RNF170: variants seen among roughly 807,000 people sequenced by gnomAD.
The protein encoded by RNF170 is E3 ubiquitin-protein ligase RNF170.
Under a neutral mutation model 32.7 loss-of-function variants are expected in RNF170, and 12 were observed. That is an observed-to-expected ratio of 0.37 (90% confidence interval 0.24 to 0.60). The LOEUF (loss-of-function observed/expected upper bound fraction) is 0.60. RNF170 is among the 20% of genes least tolerant of loss of function. The pLI, the probability that RNF170 is intolerant of heterozygous loss-of-function variation, is 0.72. For synonymous variants in RNF170, 91 were observed against 103.6 expected (o/e 0.88, Z 0.74); for missense variants, 212 against 311.2 (o/e 0.68, Z 2.40).
At chr8:42,852,795 A>G (rs1043336301), downstream of RNF170, among the ~76,000 whole-genome samples, 5 of 152,100 alleles carry the variant, frequency 3.3e-5, no homozygotes, top group Admixed American at 6.5e-5. Flanking sequence ...TCCGTGACTA[A>G]ATTTTCACTG....
chr8:42,860,011 G>A (rs1294434097), intron 6 of RNF170, among the ~76,000 whole-genome samples: 2 of 152,078 alleles, frequency 1.3e-5, no homozygotes, highest in Admixed American at 1.3e-4. Context: ...AGAAAAGGTA[G>A]GATTACTTAT....
intron 2 of RNF170, among the ~76,000 whole-genome samples, chr8:42,882,588 A>G (rs1563269634): frequency 6.6e-6 from 1 of 152,232 alleles, no homozygotes; most frequent in Non-Finnish European, 1.5e-5. Flanking sequence ...AACTTTGAAA[A>G]TATTATGCTA....
At chr8:42,872,021 G>C (rs1804558588) in intron 3 of RNF170, among the ~76,000 whole-genome samples, 1 of 152,348 alleles carries the variant, frequency 6.6e-6, no homozygotes, top group South Asian at 2.1e-4. Context: ...GTGACTAAAA[G>C]ACTTAATTTC....
chr8:42,864,400 CTGTA>C (rs1803931903), intron 5 of RNF170, among the ~76,000 whole-genome samples: 3 of 152,102 alleles, frequency 2.0e-5, no homozygotes, highest in Admixed American at 1.3e-4. Flanking sequence ...TGCGCCCACC[CTGTA>C]TTTTTATTTT....
At chr8:42,863,453 A>T (rs1264315502) in intron 5 of RNF170, among the ~76,000 whole-genome samples, 6 of 151,440 alleles carry the variant, frequency 4.0e-5, no homozygotes, top group African/African-American at 7.3e-5. Context: ...TAAAAAAAAA[A>T]TTTTTTTTTG....
chr8:42,855,284 C>A lies in RNF170; in HGVS notation c.*875G>T. ...TCACTCTGTTGCCCAGGCTGGAGTGCAGTGGCGCAATCCACCTCCTGGGTT... is the reference window on the plus strand; with the variant it reads ...TCACTCTGTTGCCCAGGCTGGAGTGAAGTGGCGCAATCCACCTCCTGGGTT... On this transcript the variant is annotated 3_prime_UTR_variant, in exon 7 of 7. Transcript: ENST00000527424. 8.5e-7 allele frequency: 1 copy of A among 1,170,038 alleles called. No individual in the cohort carries two copies. Among genetic ancestry groups the A allele is most frequent in the Non-Finnish European group, 1.1e-6 (1 of 891,506 alleles). 72.5% of individuals were successfully genotyped at this position (1,170,038 alleles called of 1,614,324 possible).
Position 42,853,907 on chromosome 8 carries a change from A to G in RNF170, c.*2252T>C. 1 of 1,287,110 alleles carries G rather than the reference A, an allele frequency of 7.8e-7. No individual in the cohort carries two copies. The highest frequency in any genetic ancestry group is 1.2e-5 in the South Asian group (1 of 80,934). 79.7% of individuals were successfully genotyped at this position (1,287,110 alleles called of 1,614,324 possible). On this transcript the variant is annotated 3_prime_UTR_variant, in exon 7 of 7. Transcript: ENST00000527424. The stretch of plus-strand genomic sequence containing the variant: ...AGGAAAGTCTTAGTAGTAACTCCAA[A>G]TATTATAATTATTGTAACCAGAATT...
chr8:42,896,329 C>A (rs1806860687), intron 1 of RNF170, 155 bp downstream of exon 1: 2 of 390,012 alleles, frequency 5.1e-6, no homozygotes, highest in African/African-American at 2.2e-5. Flanking sequence ...TCTGGGGCTT[C>A]CAGACGAGGG....
intron 5 of RNF170, among the ~76,000 whole-genome samples, chr8:42,863,009 G>C (rs1049842763): frequency 3.3e-5 from 5 of 152,156 alleles, no homozygotes; most frequent in Non-Finnish European, 7.4e-5. Flanking sequence ...GCCAAACCTG[G>C]AAATGGTGGT....
At position 42,896,468 on chromosome 8, in the gene RNF170, C is replaced by T. The variant is rs964736735; in HGVS notation, c.-8+16G>A. On this transcript the variant is annotated intron_variant, in intron 1 of 6. Coordinates refer to ENST00000527424, the MANE Select transcript of RNF170 (RefSeq NM_030954.4). ...GCCCCGATAGGGTGGGCGTGGCCGC[C>T]GCGCGCCGGACGTACCTCTCCACCG... 2.2e-6 allele frequency: 1 copy of T among 453,794 alleles called. No homozygotes were observed. The highest frequency in any genetic ancestry group is 4.4e-6 in the Non-Finnish European group (1 of 226,628). 28.1% of individuals were successfully genotyped at this position (453,794 alleles called of 1,614,324 possible). A position where few individuals can be genotyped will look rare whatever the true frequency, so the allele number is the denominator to read the frequency against.
chr8:42,894,940 GTT>G (rs76011717), intron 1 of RNF170, among the ~76,000 whole-genome samples: 4 of 145,710 alleles, frequency 2.7e-5, no homozygotes, highest in South Asian at 2.2e-4. Flanking sequence ...CTTCAGGTAA[GTT>G]TTTTTTTTTT....
At chr8:42,885,794 T>C (rs1335280618) in intron 2 of RNF170, among the ~76,000 whole-genome samples, 1 of 152,226 alleles carries the variant, frequency 6.6e-6, no homozygotes, top group Non-Finnish European at 1.5e-5. Flanking sequence ...GGTCTTATTC[T>C]GTTGCCCTGG....
Position 42,855,377 on chromosome 8 carries a change from AATTT to A in RNF170, c.*778_*781del, listed in dbSNP as rs1364086771. On this transcript the variant is annotated 3_prime_UTR_variant, in exon 7 of 7. Coordinates refer to ENST00000527424, the MANE Select transcript of RNF170 (RefSeq NM_030954.4). ...CAGGCGCCTGCCACCACGCCTGGCT[AATTT>A]TTTGTATTTTTAGTAGAGACGGGGT... is the stretch of plus-strand genomic sequence containing the variant. The A allele has an allele frequency of 1.5e-6, 1 of 664,846 alleles. No homozygotes were observed. The highest frequency in any genetic ancestry group is 3.2e-5 in the Admixed American group (1 of 31,342). The allele number at this position is 664,846 out of a possible 1,614,324, so 41.2% of individuals were successfully genotyped here. A position where few individuals can be genotyped will look rare whatever the true frequency, so the allele number is the denominator to read the frequency against.
At chr8:42,891,380 G>A (rs543591849) in intron 1 of RNF170, among the ~76,000 whole-genome samples, 11 of 151,888 alleles carry the variant, frequency 7.2e-5, no homozygotes, top group Admixed American at 2.0e-4. Flanking sequence ...TTTTTTAAAA[G>A]AGACCAGATC....
chr8:42,864,045 CTTT>C (rs747091463), intron 5 of RNF170, among the ~76,000 whole-genome samples: 1 of 128,138 alleles, frequency 7.8e-6, no homozygotes, highest in Non-Finnish European at 1.7e-5. Context: ...TGGAGGAATA[CTTT>C]TTTTTTTTTT....
At chr8:42,864,712 T>TA (rs914160228) in intron 5 of RNF170, among the ~76,000 whole-genome samples, 47 of 145,990 alleles carry the variant, frequency 3.2e-4, no homozygotes, top group South Asian at 8.6e-4. Flanking sequence ...AATGAAACAT[T>TA]AAAAAAAAAA....
rs751212801 is a variant in RNF170, at chr8:42,854,414, G to A, written c.*1745C>T. 2.3e-5 allele frequency: 30 copies of A among 1,287,234 alleles called. No homozygotes were observed. Among genetic ancestry groups the A allele is most frequent in the Non-Finnish European group, 2.9e-5 (29 of 988,674 alleles). The allele number at this position is 1,287,234 out of a possible 1,614,324, so 79.7% of individuals were successfully genotyped here. ...CACTTTCATCAATAGCATGGGGATT[G>A]TATCTATGAAAGGGAAGTTGGTGTC... On this transcript the variant is annotated 3_prime_UTR_variant, in exon 7 of 7. Transcript: ENST00000527424.
downstream of RNF170, chr8:42,853,294 T>C: frequency 8.7e-7 from 1 of 1,155,122 alleles, no homozygotes; most frequent in Non-Finnish European, 1.1e-6. Context: ...AAATAACACC[T>C]TTAAAATGTT....
Position 42,855,586 on chromosome 8 carries a change from C to T in RNF170, c.*573G>A, listed in dbSNP as rs555957086. The T allele has an allele frequency of 1.1e-4, 135 of 1,276,100 alleles. No individual in the cohort carries two copies. The South Asian group carries it at 1.6e-3, about 15-fold the overall frequency. The allele number at this position is 1,276,100 out of a possible 1,614,324, so 79.0% of individuals were successfully genotyped here. On this transcript the variant is annotated 3_prime_UTR_variant, in exon 7 of 7. Transcript: ENST00000527424. ...GAATATGATATCGAAGTATGAAGTTCAAGTTTCTTCTTTCAGTTTCAGCTG... is the reference window on the plus strand; with the variant it reads ...GAATATGATATCGAAGTATGAAGTTTAAGTTTCTTCTTTCAGTTTCAGCTG...
Sources: gnomAD v4.1 joint callset for allele counts (sites outside exome capture counted in the v4.1 genomes callset) on GRCh38, gnomAD v4.1.1 for gene constraint, MANE v1.5 for transcripts, NCBI Gene and HGNC (gene_info 2026-07-23, HGNC 2026-07-21) for gene names.